The following GLRA3 variants were observed in gnomAD, a reference collection of about 807,000 sequenced individuals.
GLRA3 encodes glycine receptor subunit alpha-3.
A neutral mutation model predicts 60.4 loss-of-function variants in GLRA3; 44 were observed. The observed-to-expected ratio is 0.73, with a 90% confidence interval of 0.57 to 0.94. The LOEUF is 0.94. Among genes scored for constraint, GLRA3 ranks in the 40% least tolerant of loss-of-function variants. The pLI, the probability that GLRA3 is intolerant of heterozygous loss-of-function variation, is 0.00. For missense variants in GLRA3, 508 were observed against 564.6 expected (o/e 0.90, Z 1.02); for synonymous variants, 223 against 192.9 (o/e 1.16, Z -1.29).
intron 3 of GLRA3, among the ~76,000 whole-genome samples, chr4:174,762,371 A>T (rs1480500251): frequency 6.6e-6 from 1 of 152,028 alleles, no homozygotes; most frequent in East Asian, 1.9e-4. Flanking sequence ...GAACATCTGG[A>T]CCACCTATAG....
At chr4:174,697,379 A>T (rs937616986) in intron 5 of GLRA3, among the ~76,000 whole-genome samples, 2 of 152,182 alleles carry the variant, frequency 1.3e-5, no homozygotes, top group African/African-American at 2.4e-5. Flanking sequence ...GAAGGAAGAA[A>T]ATGCTCACTC....
intron 5 of GLRA3, among the ~76,000 whole-genome samples, chr4:174,700,839 T>C (rs1561064507): frequency 6.6e-6 from 1 of 152,196 alleles, no homozygotes; most frequent in Non-Finnish European, 1.5e-5. Flanking sequence ...AGCAAGATCC[T>C]AACTCATCCA....
rs1579597110 is a variant in GLRA3, at chr4:174,781,439, G to A, written c.199+7377C>T. 7.7e-5 allele frequency among the ~76,000 whole-genome samples: 11 copies of A among 143,454 alleles called. No homozygotes were observed. In the South Asian group the frequency reaches 2.5e-3, roughly 33 times the overall value. 94.1% of individuals were successfully genotyped at this position (143,454 alleles called of 152,430 possible). On this transcript the variant is annotated intron_variant, in intron 2 of 9. Coordinates refer to ENST00000274093, the MANE Select transcript of GLRA3 (RefSeq NM_006529.4). Reference sequence around the variant, plus strand: ...CAAGAGCAAACACATTCAAAAGCTAGCAGAAGGCAAGAAATAACTAAAATC... The same window carrying A: ...CAAGAGCAAACACATTCAAAAGCTAACAGAAGGCAAGAAATAACTAAAATC...
chr4:174,695,733 A>G (rs1429307841), intron 5 of GLRA3, among the ~76,000 whole-genome samples: 1 of 152,104 alleles, frequency 6.6e-6, no homozygotes, highest in East Asian at 1.9e-4. Context: ...TGAAAGTACT[A>G]GGCAGAGCTA....
chr4:174,674,392 A>C (rs185748608), intron 7 of GLRA3, among the ~76,000 whole-genome samples: 2 of 152,298 alleles, frequency 1.3e-5, no homozygotes, highest in Admixed American at 1.3e-4. Context: ...CAAAAATGTA[A>C]AAGAGTTCAA....
intron 3 of GLRA3, among the ~76,000 whole-genome samples, chr4:174,730,362 T>C (rs561722138): frequency 1.1e-4 from 17 of 152,158 alleles, no homozygotes; most frequent in Non-Finnish European, 2.1e-4. Flanking sequence ...CCAAATCAGT[T>C]TCTCTCTGCT....
chr4:174,699,143 G>A (rs1444539784), intron 5 of GLRA3, among the ~76,000 whole-genome samples: 2 of 151,934 alleles, frequency 1.3e-5, no homozygotes, highest in African/African-American at 4.8e-5. Flanking sequence ...GACTACAGGC[G>A]TATGTCACCA....
chr4:174,643,252 T>C lies in GLRA3; in HGVS notation c.*534A>G. On this transcript the variant is annotated 3_prime_UTR_variant, in exon 10 of 10. Coordinates refer to ENST00000274093, the MANE Select transcript of GLRA3 (RefSeq NM_006529.4). ...CTTTTAATGCTCTTATTTAAAAATT[T>C]TCAAAATTACATATGTTGTTTAAAT... The C allele has an allele frequency of 1.4e-6, 1 of 690,336 alleles. No individual in the cohort carries two copies. Among genetic ancestry groups the C allele is most frequent in the Non-Finnish European group, 1.8e-6 (1 of 564,662 alleles). The allele number at this position is 690,336 out of a possible 1,614,324, so 42.8% of individuals were successfully genotyped here.
chr4:174,697,807 C>A (rs1270104193), intron 5 of GLRA3, among the ~76,000 whole-genome samples: 3 of 152,134 alleles, frequency 2.0e-5, no homozygotes, highest in African/African-American at 7.2e-5. Context: ...AATTGCCACA[C>A]TTTGAACACA....
intron 3 of GLRA3, among the ~76,000 whole-genome samples, chr4:174,765,852 C>T (rs1738117061): frequency 6.6e-6 from 1 of 151,862 alleles, no homozygotes; most frequent in Non-Finnish European, 1.5e-5. Flanking sequence ...TTCTTTTCCA[C>T]AAATGCTTAT....
chr4:174,656,591 T>G, intron 9 of GLRA3, 152 bp downstream of exon 9: 1 of 471,212 alleles, frequency 2.1e-6, no homozygotes, highest in Non-Finnish European at 3.9e-6. Flanking sequence ...GAAAATACCC[T>G]TCTTAGCTGA....
rs542892167 is a variant in GLRA3 at position 174,680,651 on chromosome 4, G to T, written c.712+2151C>A. Among the ~76,000 whole-genome samples, 3 of 152,154 alleles carry T rather than the reference G, an allele frequency of 2.0e-5. No homozygotes were observed. In the South Asian group the frequency reaches 6.2e-4, roughly 32 times the overall value. On this transcript the variant is annotated intron_variant, in intron 6 of 9. Coordinates refer to ENST00000274093, the MANE Select transcript of GLRA3 (RefSeq NM_006529.4). Reference sequence around the variant, plus strand: ...TTGTGGCAGGGTATTACGGAGCAAGGGGAAGAGAGGTAAAAGATTTTGGAG... The same window carrying T: ...TTGTGGCAGGGTATTACGGAGCAAGTGGAAGAGAGGTAAAAGATTTTGGAG...
chr4:174,774,449 C>A (rs1300604944), intron 2 of GLRA3, among the ~76,000 whole-genome samples: 1 of 133,352 alleles, frequency 7.5e-6, no homozygotes, highest in Non-Finnish European at 1.6e-5. Context: ...TAGATATATC[C>A]TGGCAGGCAC....
At position 174,795,792 on chromosome 4, in the gene GLRA3, C is replaced by T. The variant is rs552807876; in HGVS notation, c.72-6849G>A. 2.5e-4 allele frequency among the ~76,000 whole-genome samples: 38 copies of T among 152,160 alleles called. 1 individual carries two copies. Among genetic ancestry groups the T allele is most frequent in the Middle Eastern group, 6.8e-3 (2 of 294 alleles). On this transcript the variant is annotated intron_variant, in intron 1 of 9. Transcript: ENST00000274093. ...ATCTTTAAAGTGTTCACAGTTCAGT[C>T]GATTACTCTGTGTGGTCTCCTTATG...
intron 5 of GLRA3, among the ~76,000 whole-genome samples, chr4:174,697,995 G>A (rs954888093): frequency 5.9e-5 from 9 of 152,088 alleles, no homozygotes; most frequent in Non-Finnish European, 8.8e-5. Context: ...AAAACATTCT[G>A]TGTCTGCCTC....
chr4:174,804,963 C>T (rs66720517), intron 1 of GLRA3, among the ~76,000 whole-genome samples: 28,663 of 152,030 alleles, frequency 0.19, 3,172 homozygotes, highest in African/African-American at 0.31. Context: ...GTACACGTAG[C>T]GACAAAGAAA....
intron 9 of GLRA3, among the ~76,000 whole-genome samples, chr4:174,651,884 C>A (rs1014819236): frequency 1.3e-5 from 2 of 152,032 alleles, no homozygotes; most frequent in South Asian, 2.1e-4. Context: ...GGAGTCATAT[C>A]AGACCCCTTT....
intron 2 of GLRA3, among the ~76,000 whole-genome samples, chr4:174,787,436 T>G (rs1347209786): frequency 6.6e-6 from 1 of 152,082 alleles, no homozygotes; most frequent in African/African-American, 2.4e-5. Flanking sequence ...GAATACTGCT[T>G]TCCCTCAATT....
intron 3 of GLRA3, among the ~76,000 whole-genome samples, chr4:174,766,627 CAT>C (rs1738151428): frequency 6.6e-6 from 1 of 151,834 alleles, no homozygotes; most frequent in African/African-American, 2.4e-5. Context: ...ACAGAGTAAA[CAT>C]GTAAGTATTT....
Sources: allele counts gnomAD v4.1 joint callset (sites outside exome capture counted in the v4.1 genomes callset), GRCh38; gene constraint gnomAD v4.1.1; transcripts MANE v1.5; gene names NCBI Gene and HGNC (gene_info 2026-07-23, HGNC 2026-07-21).